Variants in AKAP13 observed in about 807,000 individuals in gnomAD.
The protein encoded by AKAP13 is A-kinase anchor protein 13.
A neutral mutation model predicts 264.5 loss-of-function variants in AKAP13; 80 were observed. The observed-to-expected ratio is 0.30, with a 90% CI of 0.25 to 0.36. The LOEUF (loss-of-function observed/expected upper bound fraction) is 0.36, where lower values mean the gene tolerates loss of function less well. AKAP13 is among the 10% of genes least tolerant of loss of function. The pLI is 1.00. For missense variants in AKAP13, 3,712 were observed against 3,435.2 expected (o/e 1.08, Z -2.01); for synonymous variants, 1,380 against 1,250.2 (o/e 1.10, Z -2.19).
rs965128674 is a variant in AKAP13, at chr15:85,675,605, T to A, written c.5101+5775T>A. Among the ~76,000 whole-genome samples the A allele has an allele frequency of 1.3e-5, 2 of 152,170 alleles. 1 individual carries two copies. Among genetic ancestry groups the A allele is most frequent in the East Asian group, 3.8e-4 (2 of 5,200 alleles). On this transcript the variant is annotated intron_variant, in intron 14 of 36. Transcript: ENST00000394518. ...GGTAGGGTTCCTTTCCTCACCACAT[T>A]TACAGATGAGAGCAAGTGAATCTAA... is the stretch of plus-strand genomic sequence containing the variant.
intron 8 of AKAP13, among the ~76,000 whole-genome samples, chr15:85,617,047 G>A (rs2080967317): frequency 6.6e-6 from 1 of 152,136 alleles, no homozygotes. Context: ...AGTAATCTAG[G>A]CTCTTTCAGA....
intron 5 of AKAP13, among the ~76,000 whole-genome samples, chr15:85,557,797 A>C (rs1274887731): frequency 6.6e-6 from 1 of 152,178 alleles, no homozygotes. Flanking sequence ...TTAGAACATG[A>C]CTGTTAAAGC....
intron 1 of AKAP13, among the ~76,000 whole-genome samples, chr15:85,452,391 TA>T (rs1305601959): frequency 1.3e-5 from 2 of 152,218 alleles, no homozygotes; most frequent in Non-Finnish European, 2.9e-5. Context: ...TTGGCCTGGT[TA>T]AGAACTGTTG....
chr15:85,483,632 CA>C (rs35648447), intron 1 of AKAP13, among the ~76,000 whole-genome samples: 11,447 of 57,808 alleles, frequency 0.2, 683 homozygotes, highest in Non-Finnish European at 0.27. Flanking sequence ...GACTCCGTCT[CA>C]AAAAAAAAAA....
chr15:85,589,593 T>TGAA (rs1177707534), intron 8 of AKAP13, among the ~76,000 whole-genome samples: 2 of 122,468 alleles, frequency 1.6e-5, no homozygotes, highest in Non-Finnish European at 1.7e-5. Context: ...TTGTCTCCAC[T>TGAA]AAAAAAAAAA....
At chr15:85,463,035 A>AAAG (rs935805990) in intron 1 of AKAP13, among the ~76,000 whole-genome samples, 16 of 150,566 alleles carry the variant, frequency 1.1e-4, no homozygotes, top group Non-Finnish European at 2.1e-4. Context: ...AAAAAAAAAA[A>AAAG]AAAAAAAAGA....
intron 1 of AKAP13, among the ~76,000 whole-genome samples, chr15:85,437,362 T>C (rs1253679613): frequency 1.3e-5 from 2 of 152,176 alleles, no homozygotes; most frequent in Non-Finnish European, 2.9e-5. Flanking sequence ...CAGGACCAGA[T>C]GGATTCACAG....
intron 16 of AKAP13, among the ~76,000 whole-genome samples, chr15:85,686,645 C>T (rs987550360): frequency 6.6e-6 from 1 of 151,936 alleles, no homozygotes; most frequent in Non-Finnish European, 1.5e-5. Flanking sequence ...TACTGCTTTA[C>T]CAGTATTCTA....
chr15:85,575,527 A>C lies in AKAP13; in HGVS notation c.861+198A>C, dbSNP rs576646602. ...GCTAACACGGTGAAACCCTGTCTCT[A>C]CTAAAAATACAAAAAATTGGCCGGC... On this transcript the variant is annotated intron_variant, in intron 6 of 36. Coordinates refer to ENST00000394518, the MANE Select transcript of AKAP13 (RefSeq NM_007200.5). 9.4e-4 allele frequency among the ~76,000 whole-genome samples: 143 copies of C among 152,264 alleles called. 1 individual carries two copies. Among genetic ancestry groups the C allele is most frequent in the African/African-American group, 3.3e-3 (139 of 41,556 alleles).
chr15:85,593,531 A>ATTT (rs34359285), intron 8 of AKAP13, among the ~76,000 whole-genome samples: 2 of 145,844 alleles, frequency 1.4e-5, no homozygotes, highest in African/African-American at 2.5e-5. Context: ...CCATGTGGGA[A>ATTT]TTTTTTTTTT....
At chr15:85,717,562 T>C (rs191621748) in intron 21 of AKAP13, among the ~76,000 whole-genome samples, 160 bp downstream of exon 21, 1 of 152,348 alleles carries the variant, frequency 6.6e-6, no homozygotes, top group East Asian at 1.9e-4. Context: ...TTGTCATGAC[T>C]GCGTAATCAG....
intron 8 of AKAP13, among the ~76,000 whole-genome samples, chr15:85,613,410 G>A (rs901670372): frequency 6.6e-6 from 1 of 152,048 alleles, no homozygotes; most frequent in African/African-American, 2.4e-5. Context: ...GGCCGGGTGC[G>A]GTGGCTCACG....
chr15:85,681,930 A>G (rs556019081), intron 14 of AKAP13, among the ~76,000 whole-genome samples: 1 of 152,250 alleles, frequency 6.6e-6, no homozygotes, highest in East Asian at 1.9e-4. Flanking sequence ...TGAATCCTGG[A>G]TTAAACTTAT....
At chr15:85,404,664 G>C (rs1182911569) in intron 1 of AKAP13, among the ~76,000 whole-genome samples, 2 of 152,136 alleles carry the variant, frequency 1.3e-5, no homozygotes, top group Non-Finnish European at 2.9e-5. Context: ...CTGGCACACT[G>C]TTTCCTATCC....
At chr15:85,645,599 A>G (rs2082519636) in intron 9 of AKAP13, among the ~76,000 whole-genome samples, 1 of 152,152 alleles carries the variant, frequency 6.6e-6, no homozygotes, top group Non-Finnish European at 1.5e-5. Flanking sequence ...TGTAGGAGCT[A>G]TTTCAACCTA....
chr15:85,719,052 A>G (rs1432687736), intron 22 of AKAP13, 24 bp from the exon 23 acceptor site: 1 of 1,611,904 alleles, frequency 6.2e-7, no homozygotes, highest in Non-Finnish European at 8.5e-7. Context: ...TGTTCCTGAC[A>G]CTTGATCTTT....
At chr15:85,568,232 T>G (rs988541032) in intron 5 of AKAP13, among the ~76,000 whole-genome samples, 1 of 151,624 alleles carries the variant, frequency 6.6e-6, no homozygotes, top group Admixed American at 6.6e-5. Flanking sequence ...CCCCGGAGGT[T>G]GAGGCTGCAG....
intron 1 of AKAP13, among the ~76,000 whole-genome samples, chr15:85,390,106 T>G (rs1046439114): frequency 2.6e-5 from 4 of 152,216 alleles, no homozygotes; most frequent in African/African-American, 9.6e-5. Flanking sequence ...CTTGTAGGGT[T>G]GTTTGTTAAT....
intron 19 of AKAP13, among the ~76,000 whole-genome samples, chr15:85,711,800 A>T (rs572610594): frequency 1.1e-4 from 16 of 152,242 alleles, no homozygotes; most frequent in African/African-American, 3.9e-4. Flanking sequence ...AAACCGTGGG[A>T]TGGGACCAGC....
Sources: allele counts gnomAD v4.1 joint callset (sites outside exome capture counted in the v4.1 genomes callset), GRCh38; gene constraint gnomAD v4.1.1; transcripts MANE v1.5; gene names NCBI Gene and HGNC (gene_info 2026-07-23, HGNC 2026-07-21).